MROH2A: variants seen among roughly 807,000 people sequenced by gnomAD.
MROH2A encodes maestro heat-like repeat-containing protein family member 2A.
In MROH2A, 174 loss-of-function variants were observed where a neutral mutation model predicts 200.4. That is an observed-to-expected ratio of 0.87 (90% CI 0.77 to 0.98). MROH2A has a LOEUF of 0.98. MROH2A is among the 50% of genes least tolerant of loss of function. The pLI is 0.00. For missense variants in MROH2A, 2,045 were observed against 2,139.6 expected (o/e 0.96, Z 0.87); for synonymous variants, 829 against 840.4 (o/e 0.99, Z 0.23).
In MROH2A at chr2:233,799,892, A is replaced by G; in HGVS notation, c.1442A>G (p.Tyr481Cys). 6.4e-7 allele frequency: 1 copy of G among 1,550,410 alleles called. No homozygotes were observed. The highest frequency in any genetic ancestry group is 8.7e-7 in the Non-Finnish European group (1 of 1,146,906). Reference protein sequence around the residue: ...YLSVQLTLSTYKLTNRREKFY... With the variant: ...YLSVQLTLSTCKLTNRREKFY... Reference sequence around the variant, plus strand: ...TCTGTGCAGCTGACCTTATCCACCTACAAACTGGTGAGTGGCCCTGATACG... The same window carrying G: ...TCTGTGCAGCTGACCTTATCCACCTGCAAACTGGTGAGTGGCCCTGATACG... Residue 481 changes from tyrosine (Y) to cysteine (C), a missense_variant, in exon 13 of 42, where the codon TAC becomes TGC. Transcript: ENST00000389758.
chr2:233,801,042 A>C (rs967743859), intron 14 of MROH2A, among the ~76,000 whole-genome samples: 2 of 152,202 alleles, frequency 1.3e-5, no homozygotes, highest in Admixed American at 6.5e-5. Flanking sequence ...CAACCTGTGC[A>C]ATCTTGTTTA....
At chr2:233,795,266 G>A (rs2126113740) in intron 8 of MROH2A, among the ~76,000 whole-genome samples, 1 of 152,310 alleles carries the variant, frequency 6.6e-6, no homozygotes. Flanking sequence ...CCCATGTAAA[G>A]GGATCACTCA....
At chr2:233,829,286 C>A (rs959337179) in intron 37 of MROH2A, among the ~76,000 whole-genome samples, 6 of 152,102 alleles carry the variant, frequency 3.9e-5, no homozygotes, top group Non-Finnish European at 7.4e-5. Context: ...TGGGCCTCTG[C>A]AGCCCTGCTA....
At chr2:233,802,434 C>A in intron 15 of MROH2A, 119 bp downstream of exon 15, 2 of 1,186,362 alleles carry the variant, frequency 1.7e-6, no homozygotes, top group Non-Finnish European at 2.3e-6. Flanking sequence ...TGGAAACATC[C>A]AAGTCCAAAT....
intron 11 of MROH2A, among the ~76,000 whole-genome samples, chr2:233,796,521 C>CT (rs1304097990): frequency 6.6e-6 from 1 of 152,164 alleles, no homozygotes; most frequent in East Asian, 1.9e-4. Context: ...ACCCAACCCT[C>CT]TGAGTCCGAA....
intron 25 of MROH2A, 39 bp downstream of exon 25, chr2:233,813,817 C>A: frequency 1.7e-6 from 2 of 1,203,158 alleles, no homozygotes; most frequent in Non-Finnish European, 2.4e-6. Flanking sequence ...TGGGTCAGGA[C>A]CTGGGAGTTA....
Position 233,814,598 on chromosome 2 carries a change from C to T in MROH2A, c.2777C>T (p.Ala926Val), listed in dbSNP as rs1248614318. The T allele has an allele frequency of 1.3e-6, 2 of 1,550,212 alleles. No individual in the cohort carries two copies. The highest frequency in any genetic ancestry group is 1.7e-6 in the Non-Finnish European group (2 of 1,146,876). Reference protein sequence around the residue: ...NESIKTLYANALSSLEQLMES... With the variant: ...NESIKTLYANVLSSLEQLMES... ...TGGCTGTAGACCCTGTATGCAAATG[C>T]CCTGAGCTCCCTGGAGCAGCTGATG... The change falls in exon 26 of 42, where the codon GCC (alanine) becomes GTC (valine). Residue 926 changes from alanine to valine, a missense_variant. Coordinates refer to ENST00000389758, the MANE Select transcript of MROH2A (RefSeq NM_001394639.1).
chr2:233,802,947 TGA>T (rs889525681), intron 15 of MROH2A, among the ~76,000 whole-genome samples: 3 of 152,256 alleles, frequency 2.0e-5, no homozygotes, highest in Non-Finnish European at 4.4e-5. Context: ...CTCTCACTCT[TGA>T]CTCTGGTTGA....
In MROH2A at chr2:233,833,129, C is replaced by A. The variant is rs184821844; in HGVS notation, c.4904-9C>A. 3.1e-4 allele frequency: 470 copies of A among 1,535,210 alleles called. No individual in the cohort carries two copies. Among genetic ancestry groups the A allele is most frequent in the Admixed American group, 4.6e-4 (22 of 47,400 alleles). On this transcript the variant is annotated splice_polypyrimidine_tract_variant and intron_variant, in intron 41 of 41. Transcript: ENST00000389758. ...GGCCTGAACCTTCCCTCTTTGTGTT[C>A]TCTCTCAGCCCTCCAGGAACTACAG... is the stretch of plus-strand genomic sequence containing the variant.
intron 21 of MROH2A, 28 bp from the exon 22 acceptor site, chr2:233,809,098 G>T: frequency 6.5e-7 from 1 of 1,538,520 alleles, no homozygotes; most frequent in Non-Finnish European, 8.8e-7. Flanking sequence ...GCTGCCCCCA[G>T]TGGTTCTTTT....
chr2:233,806,999 A>T (rs77200612), intron 19 of MROH2A, among the ~76,000 whole-genome samples: 12,528 of 151,888 alleles, frequency 0.082, 987 homozygotes, highest in African/African-American at 0.2. Context: ...ATGCCTTAGC[A>T]TCCTCATAGC....
At chr2:233,785,364 G>A (rs184302945) in intron 3 of MROH2A, among the ~76,000 whole-genome samples, 35 of 151,408 alleles carry the variant, frequency 2.3e-4, no homozygotes, top group Admixed American at 9.9e-4. Flanking sequence ...TTGGCAGGCC[G>A]AGATGGGAGC....
At chr2:233,785,071 G>C (rs965024250) in intron 3 of MROH2A, among the ~76,000 whole-genome samples, 1 of 152,156 alleles carries the variant, frequency 6.6e-6, no homozygotes, top group Non-Finnish European at 1.5e-5. Flanking sequence ...GCTTGAACCC[G>C]GGAGGTGGAG....
chr2:233,795,429 A>G (rs1702042391), intron 8 of MROH2A, among the ~76,000 whole-genome samples: 1 of 152,208 alleles, frequency 6.6e-6, no homozygotes, highest in African/African-American at 2.4e-5. Context: ...GGCCTAGCGC[A>G]GCACTTCCCA....
intron 30 of MROH2A, 124 bp from the exon 31 acceptor site, chr2:233,819,778 G>A: frequency 9.1e-7 from 1 of 1,095,910 alleles, no homozygotes; most frequent in Non-Finnish European, 1.3e-6. Flanking sequence ...AGAGGGTGCT[G>A]GGCGCTTAAC....
rs1386430423 is a variant in MROH2A, at chr2:233,823,599, G to A, written c.4048G>A (p.Glu1350Lys). The A allele has an allele frequency of 5.2e-6, 8 of 1,550,226 alleles. No individual in the cohort carries two copies. Among genetic ancestry groups the A allele is most frequent in the African/African-American group, 1.4e-5 (1 of 73,034 alleles). Reference protein sequence around the residue: ...HVEGHRQRLAELVLRGMDSEV... With the variant: ...HVEGHRQRLAKLVLRGMDSEV... Reference sequence around the variant, plus strand: ...GGAGGGCCACAGGCAGAGGCTGGCCGAGCTGGTGCTCAGGGGCATGGACTC... The same window carrying A: ...GGAGGGCCACAGGCAGAGGCTGGCCAAGCTGGTGCTCAGGGGCATGGACTC... The change falls in exon 35 of 42, where the codon GAG (glutamate) becomes AAG (lysine). Residue 1350 changes from glutamate to lysine, a missense_variant. Physicochemically the swap from Glu to Lys is moderately conservative, Grantham distance 56. Around this residue, in one of 3 missense-constraint regions of MROH2A, gnomAD observed 1,201 missense variants for 1,311.3 expected, o/e 0.92. Coordinates refer to ENST00000389758, the MANE Select transcript of MROH2A (RefSeq NM_001394639.1).
intron 3 of MROH2A, among the ~76,000 whole-genome samples, chr2:233,783,823 A>G (rs1235864301): frequency 6.6e-6 from 1 of 152,164 alleles, no homozygotes; most frequent in African/African-American, 2.4e-5. Context: ...TACAGACGTG[A>G]GTGCCGGGAT....
rs922107789 is a variant in MROH2A, at chr2:233,795,728, A to G, written c.1042A>G (p.Thr348Ala). 2.6e-6 allele frequency: 4 copies of G among 1,550,954 alleles called. No homozygotes were observed. In the Admixed American group the frequency reaches 7.8e-5, roughly 30 times the overall value. ...CCAAATGCAGCTACACACCATTTTC[A>G]CAGAACTGCACGTCCAGGTGAGGCC... Reference protein sequence around the residue: ...VPQMQLHTIFTELHVQVCNKA... With the variant: ...VPQMQLHTIFAELHVQVCNKA... The change falls in exon 9 of 42, where the codon ACA (threonine) becomes GCA (alanine). Residue 348 changes from threonine (T) to alanine (A), a missense_variant. Physicochemically the swap from Thr to Ala is moderately conservative, Grantham distance 58. Coordinates refer to ENST00000389758, the MANE Select transcript of MROH2A (RefSeq NM_001394639.1).
At chr2:233,810,580 C>A (rs906288127) in intron 22 of MROH2A, among the ~76,000 whole-genome samples, 1 of 152,236 alleles carries the variant, frequency 6.6e-6, no homozygotes, top group African/African-American at 2.4e-5. Context: ...CTGCACCTCA[C>A]CTCGTATCCC....
Sources: allele counts gnomAD v4.1 joint callset (sites outside exome capture counted in the v4.1 genomes callset), GRCh38; gene constraint gnomAD v4.1.1; regional missense constraint gnomAD v4.1.1; transcripts MANE v1.5; gene names NCBI Gene and HGNC (gene_info 2026-07-23, HGNC 2026-07-21).